UGT1A10: variants seen among roughly 807,000 people sequenced by gnomAD.
The protein encoded by UGT1A10 is UDP glucuronosyltransferase family 1 member A10.
A neutral mutation model predicts 45.8 loss-of-function variants in UGT1A10; 49 were observed. The observed-to-expected ratio is 1.07, with a 90% CI of 0.85 to 1.36. The LOEUF (loss-of-function observed/expected upper bound fraction) is 1.36, where lower values mean the gene tolerates loss of function less well. UGT1A10 is among the 40% of genes most tolerant of loss of function. UGT1A10 has a pLI of 0.00. For missense variants in UGT1A10, 745 were observed against 668.6 expected, an observed-to-expected ratio of 1.11 and a Z score of -1.26; for synonymous variants, 284 against 249.7, an observed-to-expected ratio of 1.14 and a Z score of -1.29.
rs2013021 is a variant in UGT1A10 at position 233,712,440 on chromosome 2, C to A, written c.856-54594C>A. ...ACAAGAAATATCCTGGTGTGAAAAA[C>A]GACCAAAACCAGATAGCCAGCCTCC... On this transcript the variant is annotated intron_variant, in intron 1 of 4. Coordinates refer to ENST00000344644, the MANE Select transcript of UGT1A10 (RefSeq NM_019075.4). 3.9e-5 allele frequency among the ~76,000 whole-genome samples: 6 copies of A among 152,200 alleles called. No individual in the cohort carries two copies. In the East Asian group the frequency reaches 9.7e-4, roughly 25 times the overall value.
Position 233,676,253 on chromosome 2 carries a change from C to T in UGT1A10, c.855+38876C>T, listed in dbSNP as rs1248219589. On this transcript the variant is annotated intron_variant, in intron 1 of 4. Transcript: ENST00000344644. ...AGAAGCATGGTTGATGATGAATTCA[C>T]TGATGAATCACCCCTGTGTGCATCC... Among the ~76,000 whole-genome samples, 4 of 152,174 alleles carry T rather than the reference C, an allele frequency of 2.6e-5. No homozygotes were observed. In the East Asian group the frequency reaches 5.8e-4, roughly 22 times the overall value.
chr2:233,666,658 T>C (rs1208029534), intron 1 of UGT1A10, among the ~76,000 whole-genome samples: 1 of 152,190 alleles, frequency 6.6e-6, no homozygotes, highest in Admixed American at 6.5e-5. Context: ...TTTTATTTTT[T>C]ATTATTGTAC....
In UGT1A10 at chr2:233,693,777, A is replaced by G. The variant is rs112793692; in HGVS notation, c.855+56400A>G. 1.7e-5 allele frequency: 27 copies of G among 1,614,218 alleles called. No homozygotes were observed. In the African/African-American group the frequency reaches 1.7e-4, roughly 10 times the overall value. On this transcript the variant is annotated intron_variant, in intron 1 of 4. Coordinates refer to ENST00000344644, the MANE Select transcript of UGT1A10 (RefSeq NM_019075.4). ...GTCTCTGTTTGGCTGTTAAGATATG[A>G]CTTTGTGCTTGAATATCCTAGGCCG...
At chr2:233,748,166 C>T in intron 1 of UGT1A10, 1 of 1,593,318 alleles carries the variant, frequency 6.3e-7, no homozygotes, top group South Asian at 1.1e-5. Context: ...TCCATATCTA[C>T]TTATCTTTCT....
At chr2:233,639,246 A>G (rs1047656829) in intron 1 of UGT1A10, among the ~76,000 whole-genome samples, 2 of 152,248 alleles carry the variant, frequency 1.3e-5, no homozygotes, top group Non-Finnish European at 2.9e-5. Context: ...CTATTAAAGA[A>G]TATACACATG....
At chr2:233,747,459 T>C (rs1388403150) in intron 1 of UGT1A10, 44 of 1,608,972 alleles carry the variant, frequency 2.7e-5, no homozygotes, top group Non-Finnish European at 3.4e-5. Context: ...CTATGCCATT[T>C]CATGGACCCA....
chr2:233,718,890 C>G, intron 1 of UGT1A10: 1 of 1,613,968 alleles, frequency 6.2e-7, no homozygotes. Flanking sequence ...CAGTGTCCAG[C>G]CCTGGGCTGA....
rs755759501 is a variant in UGT1A10 at position 233,637,164 on chromosome 2, G to A, written c.642G>A (p.Leu214=). The change falls in exon 1 of 5, where the codon TTG becomes TTA. Residue 214 remains leucine (L), a synonymous_variant. Coordinates refer to ENST00000344644, the MANE Select transcript of UGT1A10 (RefSeq NM_019075.4). ...KERVWNHIVH[L]EDHLFCQYLF... ...GAGTATGGAACCACATCGTGCACTT[G>A]GAGGACCATTTATTTTGCCAGTATC... 1 of 1,613,900 alleles carries A rather than the reference G, an allele frequency of 6.2e-7. No homozygotes were observed. The highest frequency in any genetic ancestry group is 2.2e-5 in the East Asian group (1 of 44,886).
intron 1 of UGT1A10, chr2:233,671,854 G>T: frequency 6.6e-7 from 1 of 1,511,244 alleles, no homozygotes; most frequent in Non-Finnish European, 8.8e-7. Context: ...TTGGGGTCAG[G>T]TTTTGTGCTG....
At position 233,648,655 on chromosome 2, in the gene UGT1A10, G is replaced by T. The variant is rs543025960; in HGVS notation, c.855+11278G>T. ...TTTTTTTTGTATTTTTAGTGGAGAC[G>T]GGGTTTCACCGTGTTAGCCAGGATG... On this transcript the variant is annotated intron_variant, in intron 1 of 4. Transcript: ENST00000344644. The T allele has an allele frequency of 2.7e-5, 7 of 263,780 alleles. No homozygotes were observed. In the East Asian group the frequency reaches 6.4e-4, roughly 24 times the overall value. The allele number at this position is 263,780 out of a possible 1,614,324, so 16.3% of individuals were successfully genotyped here.
intron 1 of UGT1A10, among the ~76,000 whole-genome samples, chr2:233,675,453 T>C (rs2074322189): frequency 1.3e-5 from 2 of 152,310 alleles, no homozygotes; most frequent in Admixed American, 6.5e-5. Flanking sequence ...ATTCAGGCTT[T>C]GTCTATACCA....
At chr2:233,682,708 T>G (rs766002261) in intron 1 of UGT1A10, 2 of 1,613,914 alleles carry the variant, frequency 1.2e-6, no homozygotes, top group Admixed American at 3.3e-5. Flanking sequence ...GAACTGACTT[T>G]GTTTTGGAGT....
At position 233,769,766 on chromosome 2, in the gene UGT1A10, G is replaced by A; in HGVS notation, c.1295+1327G>A. On this transcript the variant is annotated intron_variant, in intron 4 of 4. Transcript: ENST00000344644. The surrounding 1 kb of genome is among the most constrained non-coding windows in gnomAD (Gnocchi z 4.4). The stretch of plus-strand genomic sequence containing the variant: ...GCCACTCTGGAGGCTAAGGCGGGAG[G>A]ATTGCTTGAGCCCAGAAGTTGGAGG... The A allele has an allele frequency of 1.4e-6, 2 of 1,395,536 alleles. No homozygotes were observed. Among genetic ancestry groups the A allele is most frequent in the South Asian group, 1.6e-5 (1 of 62,382 alleles). The allele number at this position is 1,395,536 out of a possible 1,614,324, so 86.4% of individuals were successfully genotyped here.
At chr2:233,729,803 C>T in intron 1 of UGT1A10, 4 of 1,613,928 alleles carry the variant, frequency 2.5e-6, no homozygotes, top group Non-Finnish European at 3.4e-6. Flanking sequence ...ATTTGCCATG[C>T]TTTTTCTGCT....
chr2:233,682,970 T>C (rs1387016286), intron 1 of UGT1A10, among the ~76,000 whole-genome samples: 5 of 152,214 alleles, frequency 3.3e-5, no homozygotes, highest in Non-Finnish European at 7.3e-5. Flanking sequence ...AAAGCAGCTC[T>C]TGTTGATATG....
At chr2:233,682,907 T>C in intron 1 of UGT1A10, 1 of 1,496,792 alleles carries the variant, frequency 6.7e-7, no homozygotes, top group Non-Finnish European at 8.8e-7. Flanking sequence ...TTCTTTCTGG[T>C]TTAAGGAATT....
At chr2:233,719,061 G>A (rs193183920) in intron 1 of UGT1A10, 1 of 1,614,280 alleles carries the variant, frequency 6.2e-7, no homozygotes, top group Admixed American at 1.7e-5. Flanking sequence ...GACAGCCTAT[G>A]CTGTTCCATG....
intron 1 of UGT1A10, among the ~76,000 whole-genome samples, chr2:233,751,506 C>A (rs1237689489): frequency 1.3e-5 from 2 of 152,104 alleles, no homozygotes; most frequent in Non-Finnish European, 2.9e-5. Context: ...TTGGGAGGGG[C>A]CAGAGGGCAG....
intron 1 of UGT1A10, chr2:233,747,681 T>G (rs1693750357): frequency 1.2e-6 from 2 of 1,608,352 alleles, no homozygotes; most frequent in Admixed American, 1.7e-5. Flanking sequence ...AATTTACCTC[T>G]GTGGGGCAGT....
Sources: allele counts gnomAD v4.1 joint callset (sites outside exome capture counted in the v4.1 genomes callset), GRCh38; gene constraint gnomAD v4.1.1; non-coding constraint Gnocchi (gnomAD v3.1); transcripts MANE v1.5; gene names NCBI Gene and HGNC (gene_info 2026-07-23, HGNC 2026-07-21).